The following RERE variants were observed in gnomAD, a reference collection of about 807,000 sequenced individuals.
The protein encoded by RERE is arginine-glutamic acid dipeptide repeats.
RERE carries 40 observed loss-of-function variants against 146.1 expected under a neutral mutation model. The ratio of observed to expected loss-of-function variants is 0.27; its 90% CI spans 0.21 to 0.36. RERE has a LOEUF of 0.36. Among genes scored for constraint, RERE ranks in the 10% least tolerant of loss-of-function variants. The pLI is 1.00. For synonymous variants in RERE, 1,003 were observed against 866.0 expected (o/e 1.16, Z -2.78); for missense variants, 1,933 against 2,138.7 (o/e 0.90, Z 1.90).
chr1:8,472,203 A>C (rs948146379), intron 10 of RERE, among the ~76,000 whole-genome samples: 2 of 152,214 alleles, frequency 1.3e-5, no homozygotes, highest in African/African-American at 4.8e-5. Context: ...AGAATTGGTA[A>C]ATTTATCAAA....
chr1:8,368,892 C>T (rs1237264509), intron 12 of RERE, among the ~76,000 whole-genome samples: 1 of 150,744 alleles, frequency 6.6e-6, no homozygotes, highest in African/African-American at 2.5e-5. Context: ...GAGATTTAGT[C>T]CCCCACCTCA....
intron 1 of RERE, among the ~76,000 whole-genome samples, chr1:8,772,791 G>GA (rs1640978346): frequency 6.6e-6 from 1 of 150,470 alleles, no homozygotes; most frequent in Non-Finnish European, 1.5e-5. Flanking sequence ...AAAAAGAAAA[G>GA]AAAAAGAAAT....
chr1:8,791,585 A>G (rs1641364388), intron 1 of RERE, among the ~76,000 whole-genome samples: 1 of 152,250 alleles, frequency 6.6e-6, no homozygotes, highest in African/African-American at 2.4e-5. Flanking sequence ...CCTAGAAAAT[A>G]TGGCCTGAAA....
In RERE at chr1:8,704,901, AC is replaced by A. The variant is rs139688840; in HGVS notation, c.-144-48461del. ...CAAATCTAGCTCTGCTATAAGCTCC[AC>A]TAAACACCATTCCTCAGTGAAACCA... On this transcript the variant is annotated intron_variant, in intron 1 of 22. Transcript: ENST00000400908. 2.6e-3 allele frequency among the ~76,000 whole-genome samples: 397 copies of A among 152,330 alleles called. 2 individuals carry two copies. Among genetic ancestry groups the A allele is most frequent in the African/African-American group, 9.1e-3 (377 of 41,564 alleles).
chr1:8,760,720 GTTAAATTC>G (rs1031030264), intron 1 of RERE, among the ~76,000 whole-genome samples: 4 of 152,078 alleles, frequency 2.6e-5, no homozygotes, highest in Non-Finnish European at 4.4e-5. Flanking sequence ...TTAATACTAA[GTTAAATTC>G]TTTGAAAATC....
At chr1:8,435,042 G>T (rs1184176634) in intron 11 of RERE, among the ~76,000 whole-genome samples, 1 of 152,114 alleles carries the variant, frequency 6.6e-6, no homozygotes, top group African/African-American at 2.4e-5. Context: ...TATTATCAGG[G>T]GTAACGTGTT....
chr1:8,644,246 G>A (rs774538779), intron 2 of RERE, among the ~76,000 whole-genome samples: 3 of 152,110 alleles, frequency 2.0e-5, no homozygotes, highest in Non-Finnish European at 4.4e-5. Context: ...GCAATTCAAG[G>A]TAGACATACT....
chr1:8,524,936 C>T (rs1337354054), intron 7 of RERE, among the ~76,000 whole-genome samples: 1 of 152,174 alleles, frequency 6.6e-6, no homozygotes, highest in Non-Finnish European at 1.5e-5. Flanking sequence ...GAATAGAATT[C>T]CAAGTCACAT....
intron 7 of RERE, 118 bp downstream of exon 7, chr1:8,541,096 T>A (rs895700756): frequency 2.2e-5 from 10 of 461,858 alleles, no homozygotes; most frequent in African/African-American, 1.2e-4. Context: ...TCATTTTTTT[T>A]AAGTATGTTA....
At chr1:8,394,911 T>A (rs1281371860) in intron 12 of RERE, among the ~76,000 whole-genome samples, 10 of 152,244 alleles carry the variant, frequency 6.6e-5, no homozygotes, top group Non-Finnish European at 1.5e-4. Flanking sequence ...TTACTCATTT[T>A]TATATCCTCA....
At chr1:8,706,557 G>A (rs946493325) in intron 1 of RERE, among the ~76,000 whole-genome samples, 2 of 152,186 alleles carry the variant, frequency 1.3e-5, no homozygotes, top group Non-Finnish European at 2.9e-5. Flanking sequence ...TACACACAGA[G>A]CAATATAAAC....
At chr1:8,365,739 G>A (rs1641780788) in intron 13 of RERE, 73 bp downstream of exon 13, 12 of 1,551,430 alleles carry the variant, frequency 7.7e-6, no homozygotes, top group Middle Eastern at 1.9e-4. Context: ...CAGCTCCTAC[G>A]GGCCCAGAGT....
chr1:8,421,834 G>T (rs942023914), intron 12 of RERE, among the ~76,000 whole-genome samples: 1 of 152,116 alleles, frequency 6.6e-6, no homozygotes, highest in Non-Finnish European at 1.5e-5. Flanking sequence ...ATTAAACATG[G>T]ATCACTCCTC....
intron 1 of RERE, among the ~76,000 whole-genome samples, chr1:8,696,455 A>G (rs1639332026): frequency 6.6e-6 from 1 of 152,080 alleles, no homozygotes; most frequent in South Asian, 2.1e-4. Flanking sequence ...CTCTACTAAA[A>G]AGATAAAAAT....
chr1:8,531,067 ATCTAACTTTCTATCTATCTGTCCAT>A (rs1645645246), intron 7 of RERE, among the ~76,000 whole-genome samples: 1 of 142,456 alleles, frequency 7.0e-6, no homozygotes, highest in Non-Finnish European at 1.5e-5. Context: ...CTATCTATCT[ATCTAACTTTCTATCTATCTGTCCAT>A]CTTTCTATCT....
intron 7 of RERE, among the ~76,000 whole-genome samples, chr1:8,520,444 T>TA (rs1645477346): frequency 6.6e-6 from 1 of 152,064 alleles, no homozygotes; most frequent in African/African-American, 2.4e-5. Context: ...TAAGATGCAG[T>TA]AAATATGGCC....
chr1:8,457,755 C>G (rs961010016), intron 11 of RERE, among the ~76,000 whole-genome samples: 24 of 152,196 alleles, frequency 1.6e-4, no homozygotes, highest in African/African-American at 5.8e-4. Context: ...CACGCACCAC[C>G]ACGCCCAGCT....
chr1:8,810,660 T>A (rs1219499132), intron 1 of RERE, among the ~76,000 whole-genome samples: 1 of 152,190 alleles, frequency 6.6e-6, no homozygotes, highest in African/African-American at 2.4e-5. Flanking sequence ...CATCTCAAAC[T>A]GTGTTCTATT....
At chr1:8,706,292 T>A (rs1019273404) in intron 1 of RERE, among the ~76,000 whole-genome samples, 1 of 151,794 alleles carries the variant, frequency 6.6e-6, no homozygotes, top group African/African-American at 2.4e-5. Flanking sequence ...TAAAAAAAAA[T>A]TTAGAAAAAT....
Sources: gnomAD v4.1 joint callset for allele counts (sites outside exome capture counted in the v4.1 genomes callset) on GRCh38, gnomAD v4.1.1 for gene constraint, MANE v1.5 for transcripts, NCBI Gene and HGNC (gene_info 2026-07-23, HGNC 2026-07-21) for gene names.